POP1: variants seen among roughly 807,000 people sequenced by gnomAD.
The protein encoded by POP1 is POP1 ribonuclease P/MRP subunit.
In POP1, 75 loss-of-function variants were observed where a neutral mutation model predicts 102.2. That is an observed-to-expected ratio of 0.73 (90% CI 0.61 to 0.89). The LOEUF (loss-of-function observed/expected upper bound fraction) is 0.89. Ranked by LOEUF, POP1 falls within the 40% of genes least tolerant of loss-of-function variation. POP1 has a pLI of 0.00. For missense variants in POP1, 1,116 were observed against 1,267.4 expected, an observed-to-expected ratio of 0.88 and a Z score of 1.81; for synonymous variants, 436 against 464.1, an observed-to-expected ratio of 0.94 and a Z score of 0.78.
intron 5 of POP1, among the ~76,000 whole-genome samples, chr8:98,131,453 G>T (rs1025656127): frequency 3.3e-5 from 5 of 152,186 alleles, no homozygotes; most frequent in Non-Finnish European, 7.3e-5. Context: ...TAAGGCTGAA[G>T]ATGTATTCCA....
chr8:98,130,025 C>T lies in POP1; in HGVS notation c.534C>T (p.Cys178=). ...HQKKEHSKNK[C]HKARRCHMNR... ...AAAAAGAACATTCAAAAAATAAATGCCATAAAGCTCGAAGATGTCACATGA... is the reference window on the plus strand; with the variant it reads ...AAAAAGAACATTCAAAAAATAAATGTCATAAAGCTCGAAGATGTCACATGA... The change falls in exon 5 of 16, where the codon TGC becomes TGT. Residue 178 remains cysteine, a synonymous_variant. Coordinates refer to ENST00000401707, the MANE Select transcript of POP1 (RefSeq NM_001145860.2). 1 of 1,613,918 alleles carries T rather than the reference C, an allele frequency of 6.2e-7. No homozygotes were observed. Among genetic ancestry groups the T allele is most frequent in the Non-Finnish European group, 8.5e-7 (1 of 1,179,846 alleles).
At position 98,154,412 on chromosome 8, in the gene POP1, T is replaced by A. The variant is rs1257401538; in HGVS notation, c.2058-1638T>A. On this transcript the variant is annotated intron_variant, in intron 14 of 15. Transcript: ENST00000401707. ...GCAGGGAGGTGCTAGTGTAAATGGGTGGTTGGGGCATTGTTGTGGGAGGGT... is the reference window on the plus strand; with the variant it reads ...GCAGGGAGGTGCTAGTGTAAATGGGAGGTTGGGGCATTGTTGTGGGAGGGT... 2.0e-5 allele frequency among the ~76,000 whole-genome samples: 3 copies of A among 151,546 alleles called. No individual in the cohort carries two copies. The East Asian group carries it at 5.8e-4, about 29-fold the overall frequency.
At chr8:98,123,705 A>G (rs1816105883) in intron 2 of POP1, among the ~76,000 whole-genome samples, 2 of 151,294 alleles carry the variant, frequency 1.3e-5, no homozygotes, top group African/African-American at 2.4e-5. Flanking sequence ...TGAACCTGGG[A>G]GGTGGAGGTT....
intron 13 of POP1, among the ~76,000 whole-genome samples, chr8:98,150,091 A>G (rs1026826653): frequency 6.6e-6 from 1 of 152,002 alleles, no homozygotes; most frequent in Admixed American, 6.6e-5. Flanking sequence ...CTCCAGTTTC[A>G]TTTCCCTCCC....
chr8:98,150,400 G>A, intron 13 of POP1, 85 bp from the exon 14 acceptor site: 1 of 1,453,956 alleles, frequency 6.9e-7, no homozygotes, highest in African/African-American at 1.4e-5. Flanking sequence ...GGGCGTTTAG[G>A]TTGTTTCCAT....
intron 12 of POP1, among the ~76,000 whole-genome samples, chr8:98,147,185 G>A (rs1809378653): frequency 6.6e-6 from 1 of 152,300 alleles, no homozygotes; most frequent in Admixed American, 6.5e-5. Context: ...AGAAGTACAG[G>A]GCACTCAGGA....
rs769189709 is a variant in POP1 at position 98,140,806 on chromosome 8, T to G, written c.1512T>G (p.Ile504Met). The G allele has an allele frequency of 6.2e-7, 1 of 1,614,048 alleles. No homozygotes were observed. The highest frequency in any genetic ancestry group is 8.5e-7 in the Non-Finnish European group (1 of 1,179,896). Reference sequence around the variant, plus strand: ...CAGCAGAAATTCCGGCAGGTACTATTCTGGGACTGACAGTTGGGGATCCTC... The same window carrying G: ...CAGCAGAAATTCCGGCAGGTACTATGCTGGGACTGACAGTTGGGGATCCTC... ...TSPAEIPAGTILGLTVGDPRI... is the reference protein window; with the variant it reads ...TSPAEIPAGTMLGLTVGDPRI... Residue 504 changes from isoleucine to methionine, a missense_variant, in exon 11 of 16, where the codon ATT becomes ATG. Ile to Met is a conservative substitution (Grantham distance 10, BLOSUM62 1). Transcript: ENST00000401707.
chr8:98,138,847 C>CT (rs369408285), intron 9 of POP1, among the ~76,000 whole-genome samples: 2,253 of 130,832 alleles, frequency 0.017, 59 homozygotes, highest in African/African-American at 0.045. Context: ...GTTATGATTG[C>CT]TTTTTTTTTT....
chr8:98,153,398 C>T (rs573550001), intron 14 of POP1, among the ~76,000 whole-genome samples: 7 of 152,162 alleles, frequency 4.6e-5, no homozygotes, highest in South Asian at 2.1e-4. Flanking sequence ...TCAGGGCACA[C>T]GTGGAGGAGG....
chr8:98,128,657 G>T lies in POP1; in HGVS notation c.486+117G>T, dbSNP rs370807006. 919 of 1,176,670 alleles carry T rather than the reference G, an allele frequency of 7.8e-4. 4 individuals are homozygous for T. The highest frequency in any genetic ancestry group is 3.9e-3 in the Middle Eastern group (15 of 3,886). The allele number at this position is 1,176,670 out of a possible 1,614,324, so 72.9% of individuals were successfully genotyped here. On this transcript the variant is annotated intron_variant, in intron 4 of 15. Coordinates refer to ENST00000401707, the MANE Select transcript of POP1 (RefSeq NM_001145860.2). ...ACCAAGGCTGGGCATGGTGGCTCAC[G>T]CCTGTAATCTCAGCACTTTGAGAGG...
rs1401508715 is a variant in POP1 at position 98,156,293 on chromosome 8, G to A, written c.2301G>A (p.Arg767=). The change falls in exon 15 of 16, where the codon AGG becomes AGA. Residue 767 remains arginine (R), a synonymous_variant. Coordinates refer to ENST00000401707, the MANE Select transcript of POP1 (RefSeq NM_001145860.2). ...DEVGTSIEHP[R]EAEEVMDAGC... is the part of the protein sequence containing the mutation. ...TGGGCACATCCATAGAGCACCCCAG[G>A]GAGGCAGAGGAGGTAATGGATGCAG... 1 of 1,613,996 alleles carries A rather than the reference G, an allele frequency of 6.2e-7. No homozygotes were observed. Among genetic ancestry groups the A allele is most frequent in the Non-Finnish European group, 8.5e-7 (1 of 1,180,038 alleles).
chr8:98,155,118 G>A (rs1204177984), intron 14 of POP1, among the ~76,000 whole-genome samples: 4 of 152,068 alleles, frequency 2.6e-5, no homozygotes, highest in East Asian at 1.9e-4. Context: ...TTAGAACCTC[G>A]TAAGTGTACA....
At position 98,134,780 on chromosome 8, in the gene POP1, TG is replaced by T. The variant is rs543114329; in HGVS notation, c.1011+127del. The stretch of plus-strand genomic sequence containing the variant: ...TGTCTGATAGTCTGATATTTGTATA[TG>T]GGGGGCTCTATGATTATTGAATGAA... On this transcript the variant is annotated intron_variant, in intron 7 of 15. Transcript: ENST00000401707. 5.3e-5 allele frequency: 56 copies of T among 1,055,582 alleles called. No individual in the cohort carries two copies. In the East Asian group the frequency reaches 1.3e-3, roughly 24 times the overall value. The allele number at this position is 1,055,582 out of a possible 1,614,324, so 65.4% of individuals were successfully genotyped here. A position where few individuals can be genotyped will look rare whatever the true frequency, so the allele number is the denominator to read the frequency against.
intron 5 of POP1, among the ~76,000 whole-genome samples, chr8:98,132,851 C>G (rs1476818761): frequency 1.4e-5 from 2 of 140,160 alleles, no homozygotes; most frequent in African/African-American, 5.4e-5. Flanking sequence ...AGGAGGATTG[C>G]TTGAGCCCTG....
chr8:98,134,968 A>C (rs1816489259), intron 7 of POP1, among the ~76,000 whole-genome samples: 1 of 152,174 alleles, frequency 6.6e-6, no homozygotes, highest in Non-Finnish European at 1.5e-5. Context: ...TATCCCCGGA[A>C]CTTGTTTATC....
chr8:98,121,686 T>TC, intron 1 of POP1, among the ~76,000 whole-genome samples: 15 of 73,038 alleles, frequency 2.1e-4, no homozygotes, highest in Non-Finnish European at 5.4e-4. Context: ...CCCAACTAAT[T>TC]TTTTTTTTTT....
chr8:98,142,570 T>G (rs187196003), intron 11 of POP1, among the ~76,000 whole-genome samples: 4 of 152,370 alleles, frequency 2.6e-5, no homozygotes, highest in Non-Finnish European at 4.4e-5. Context: ...GTTTCTGCCG[T>G]ACTAGCTGTT....
rs750979847 is a variant in POP1, at chr8:98,136,947, T to C, written c.1355T>C (p.Val452Ala). 6.2e-7 allele frequency: 1 copy of C among 1,601,708 alleles called. No homozygotes were observed. The highest frequency in any genetic ancestry group is 8.6e-7 in the Non-Finnish European group (1 of 1,168,696). ...ACTGAAGCAATAAAAGCTGCTTCTG[T>C]CCACACTGTAAGAGTAAAAGTGACT... Reference protein sequence around the residue: ...ILTEAIKAASVHTVGEDTEET... With the variant: ...ILTEAIKAASAHTVGEDTEET... Residue 452 changes from valine to alanine, a missense_variant, in exon 9 of 16, where the codon GTC becomes GCC. Coordinates refer to ENST00000401707, the MANE Select transcript of POP1 (RefSeq NM_001145860.2).
chr8:98,140,027 A>T (rs1816661023), intron 9 of POP1, 51 bp from the exon 10 acceptor site: 1 of 1,395,120 alleles, frequency 7.2e-7, no homozygotes, highest in African/African-American at 1.4e-5. Flanking sequence ...TGACAAAATT[A>T]TGAAGGTGGA....
Sources: gnomAD v4.1 joint callset for allele counts (sites outside exome capture counted in the v4.1 genomes callset) on GRCh38, gnomAD v4.1.1 for gene constraint, MANE v1.5 for transcripts, NCBI Gene and HGNC (gene_info 2026-07-23, HGNC 2026-07-21) for gene names.